Variants in GOLPH3L observed in about 807,000 individuals in gnomAD.
The protein encoded by GOLPH3L is Golgi phosphoprotein 3-like.
In GOLPH3L, 22 loss-of-function variants were observed where a neutral mutation model predicts 30.3. The observed-to-expected ratio is 0.73, with a 90% CI of 0.52 to 1.04. The LOEUF (loss-of-function observed/expected upper bound fraction) is 1.04, where lower values mean the gene tolerates loss of function less well. GOLPH3L is among the 50% of genes least tolerant of loss of function. The probability of loss-of-function intolerance (pLI) is 0.00; values close to 1 mark genes in which losing one functional copy is unlikely to be tolerated. For synonymous variants in GOLPH3L, 120 were observed against 128.2 expected (o/e 0.94, Z 0.43); for missense variants, 303 against 345.8 (o/e 0.88, Z 0.98).
chr1:150,660,487 T>C (rs1265679542), intron 4 of GOLPH3L, among the ~76,000 whole-genome samples: 1 of 152,020 alleles, frequency 6.6e-6, no homozygotes, highest in Non-Finnish European at 1.5e-5. Flanking sequence ...TGTATCAATG[T>C]TCACAGCAGC....
chr1:150,672,404 T>C (rs1392761192), intron 2 of GOLPH3L, among the ~76,000 whole-genome samples: 1 of 152,202 alleles, frequency 6.6e-6, no homozygotes, highest in African/African-American at 2.4e-5. Context: ...TATTTCTACA[T>C]CCACACAGCT....
intron 1 of GOLPH3L, 67 bp downstream of exon 1, chr1:150,696,925 T>A (rs1651370740): frequency 6.6e-6 from 1 of 152,154 alleles, no homozygotes; most frequent in Non-Finnish European, 1.5e-5. Context: ...ATAATAATTT[T>A]AAAAAATAGA....
chr1:150,651,993 CAAAG>C (rs747369096), intron 4 of GOLPH3L, among the ~76,000 whole-genome samples: 22 of 152,054 alleles, frequency 1.4e-4, no homozygotes, highest in Non-Finnish European at 2.8e-4. Flanking sequence ...TGGATGAACA[CAAAG>C]AGACCCATAT....
rs1394385397 is a variant in GOLPH3L, at chr1:150,683,516, A to G, written c.183+11140T>C. Among the ~76,000 whole-genome samples, 9 of 136,188 alleles carry G rather than the reference A, an allele frequency of 6.6e-5. No individual in the cohort carries two copies. In the East Asian group the frequency reaches 1.9e-3, roughly 28 times the overall value. The allele number at this position is 136,188 out of a possible 152,430, so 89.3% of individuals were successfully genotyped here. On this transcript the variant is annotated intron_variant, in intron 2 of 4. Transcript: ENST00000271732. ...GCGCCACTGCACTCCAGCCTGGGCGACAGAGACTCTGTCTCAAAAAAAAAA... is the reference window on the plus strand; with the variant it reads ...GCGCCACTGCACTCCAGCCTGGGCGGCAGAGACTCTGTCTCAAAAAAAAAA...
At chr1:150,665,631 T>A (rs1279446080) in intron 2 of GOLPH3L, among the ~76,000 whole-genome samples, 3 of 152,214 alleles carry the variant, frequency 2.0e-5, no homozygotes, top group Non-Finnish European at 4.4e-5. Context: ...AAATTTTAAA[T>A]ATTAATATTT....
At chr1:150,654,892 T>C (rs184521094) in intron 4 of GOLPH3L, among the ~76,000 whole-genome samples, 149 of 152,372 alleles carry the variant, frequency 9.8e-4, no homozygotes, top group African/African-American at 3.6e-3. Context: ...AGATCTAGTT[T>C]AAGTTTAAAA....
intron 2 of GOLPH3L, among the ~76,000 whole-genome samples, chr1:150,669,626 C>G (rs1650595281): frequency 6.6e-6 from 1 of 152,102 alleles, no homozygotes; most frequent in African/African-American, 2.4e-5. Context: ...TGGAGAATCT[C>G]AGAGAATTTG....
At chr1:150,660,027 G>A (rs1012008763) in intron 4 of GOLPH3L, among the ~76,000 whole-genome samples, 4 of 151,874 alleles carry the variant, frequency 2.6e-5, no homozygotes, top group Middle Eastern at 3.4e-3. Context: ...GAGTGAGACC[G>A]CATCTCATAA....
chr1:150,686,753 A>G (rs2101816949), intron 2 of GOLPH3L, among the ~76,000 whole-genome samples: 1 of 152,308 alleles, frequency 6.6e-6, no homozygotes, highest in South Asian at 2.1e-4. Context: ...CAATATCAAT[A>G]CTAGATATTT....
At chr1:150,692,064 T>C (rs1651227224) in intron 2 of GOLPH3L, among the ~76,000 whole-genome samples, 1 of 152,174 alleles carries the variant, frequency 6.6e-6, no homozygotes. Context: ...TTTACCTTAG[T>C]ATTAATATTT....
At chr1:150,655,855 C>T (rs1001148493) in intron 4 of GOLPH3L, among the ~76,000 whole-genome samples, 4 of 152,196 alleles carry the variant, frequency 2.6e-5, no homozygotes, top group Admixed American at 6.5e-5. Context: ...CCAGGACGGC[C>T]TTCTCCTACT....
At chr1:150,670,260 C>T (rs923172352) in intron 2 of GOLPH3L, among the ~76,000 whole-genome samples, 2 of 147,552 alleles carry the variant, frequency 1.4e-5, no homozygotes, top group African/African-American at 5.0e-5. Context: ...GAAACTCCAT[C>T]TCAAAAAAAA....
chr1:150,648,063 T>G lies in GOLPH3L; in HGVS notation c.*258A>C. ...CACTGGGTGAAACTAAACCACCAAA[T>G]GGGAGAAAATGTTCATTGGGTGTGT... On this transcript the variant is annotated 3_prime_UTR_variant, in exon 5 of 5. Transcript: ENST00000271732. The G allele has an allele frequency of 2.6e-6, 1 of 381,182 alleles. No homozygotes were observed. Among genetic ancestry groups the G allele is most frequent in the Non-Finnish European group, 4.7e-6 (1 of 213,974 alleles). The allele number at this position is 381,182 out of a possible 1,614,324, so 23.6% of individuals were successfully genotyped here. A position where few individuals can be genotyped will look rare whatever the true frequency, so the allele number is the denominator to read the frequency against.
intron 2 of GOLPH3L, among the ~76,000 whole-genome samples, chr1:150,678,687 A>T (rs944480050): frequency 2.6e-5 from 4 of 152,232 alleles, no homozygotes; most frequent in Non-Finnish European, 5.9e-5. Context: ...TAAACTAAAA[A>T]ATGATGTTTG....
At chr1:150,672,453 C>T (rs1022829610) in intron 2 of GOLPH3L, among the ~76,000 whole-genome samples, 6 of 152,124 alleles carry the variant, frequency 3.9e-5, no homozygotes, top group Admixed American at 6.6e-5. Flanking sequence ...GTATTTGAGA[C>T]GGAGTCTCAA....
At chr1:150,684,324 G>A (rs1011757280) in intron 2 of GOLPH3L, among the ~76,000 whole-genome samples, 2 of 152,164 alleles carry the variant, frequency 1.3e-5, no homozygotes, top group Non-Finnish European at 2.9e-5. Context: ...GGCTTGTCTA[G>A]TCATTTAGTC....
At chr1:150,668,318 T>C (rs1011105487) in intron 2 of GOLPH3L, among the ~76,000 whole-genome samples, 1 of 152,186 alleles carries the variant, frequency 6.6e-6, no homozygotes, top group African/African-American at 2.4e-5. Flanking sequence ...GATCTTTGAC[T>C]CAAGGTTGGG....
chr1:150,656,063 G>A (rs150075516), intron 4 of GOLPH3L, among the ~76,000 whole-genome samples: 1,860 of 152,286 alleles, frequency 0.012, 19 homozygotes, highest in Non-Finnish European at 0.019. Flanking sequence ...GACTTATGTA[G>A]GGCAAACAAT....
Position 150,646,912 on chromosome 1 carries a change from T to C in GOLPH3L, c.*1409A>G, listed in dbSNP as rs1649988212. The C allele has an allele frequency of 6.6e-6, 1 of 152,202 alleles. No homozygotes were observed. Among genetic ancestry groups the C allele is most frequent in the Non-Finnish European group, 1.5e-5 (1 of 68,042 alleles). The allele number at this position is 152,202 out of a possible 1,614,324, so 9.4% of individuals were successfully genotyped here. ...TTCAATACCAAATTAGCCCTTTAAATAGGATCTTTCTTAATAAAGCTTCTC... is the reference window on the plus strand; with the variant it reads ...TTCAATACCAAATTAGCCCTTTAAACAGGATCTTTCTTAATAAAGCTTCTC... On this transcript the variant is annotated 3_prime_UTR_variant, in exon 5 of 5. Transcript: ENST00000271732.
Sources: allele counts gnomAD v4.1 joint callset (sites outside exome capture counted in the v4.1 genomes callset), GRCh38; gene constraint gnomAD v4.1.1; transcripts MANE v1.5; gene names NCBI Gene and HGNC (gene_info 2026-07-23, HGNC 2026-07-21).